Variants in TMEM170B observed in about 807,000 individuals in gnomAD.
TMEM170B encodes transmembrane protein 170B.
In TMEM170B, 6 loss-of-function variants were observed where a neutral mutation model predicts 13.0. That is an observed-to-expected ratio of 0.46 (90% confidence interval 0.25 to 0.91). The LOEUF (loss-of-function observed/expected upper bound fraction) is 0.91. TMEM170B is among the 40% of genes least tolerant of loss of function. The pLI, the probability that TMEM170B is intolerant of heterozygous loss-of-function variation, is 0.17. For synonymous variants in TMEM170B, 61 were observed against 64.9 expected (o/e 0.94, Z 0.29); for missense variants, 138 against 165.2 (o/e 0.84, Z 0.90).
intron 1 of TMEM170B, among the ~76,000 whole-genome samples, chr6:11,543,569 A>G (rs190234576): frequency 1.6e-3 from 250 of 152,332 alleles, no homozygotes; most frequent in Admixed American, 7.0e-3. Flanking sequence ...CTGATAGCTA[A>G]TAGTGAAAAA....
At chr6:11,574,833 C>T (rs903617573) in intron 2 of TMEM170B, among the ~76,000 whole-genome samples, 4 of 152,026 alleles carry the variant, frequency 2.6e-5, no homozygotes, top group Admixed American at 1.3e-4. Flanking sequence ...TCTTATTAGA[C>T]GTCAAGATAC....
chr6:11,542,860 G>C (rs183874717), intron 1 of TMEM170B, among the ~76,000 whole-genome samples: 1 of 152,246 alleles, frequency 6.6e-6, no homozygotes, highest in East Asian at 1.9e-4. Flanking sequence ...CTGTGTGTTA[G>C]GCACTTTACA....
intron 2 of TMEM170B, 71 bp downstream of exon 2, chr6:11,565,907 T>C (rs1759726199): frequency 5.7e-6 from 8 of 1,406,934 alleles, no homozygotes; most frequent in Admixed American, 1.7e-5. Context: ...TGTGTTCTTA[T>C]TATACATGTA....
intron 2 of TMEM170B, among the ~76,000 whole-genome samples, chr6:11,566,590 C>A (rs6916829): frequency 6.6e-6 from 1 of 152,128 alleles, no homozygotes; most frequent in Non-Finnish European, 1.5e-5. Context: ...GAAAAAGACA[C>A]CAAGGCAAGC....
chr6:11,561,802 T>G (rs1759669054), intron 1 of TMEM170B, among the ~76,000 whole-genome samples: 1 of 152,232 alleles, frequency 6.6e-6, no homozygotes, highest in Admixed American at 6.5e-5. Flanking sequence ...GGACTGGTCA[T>G]TGGAAGACCA....
At chr6:11,551,315 G>A (rs1448883051) in intron 1 of TMEM170B, among the ~76,000 whole-genome samples, 1 of 152,188 alleles carries the variant, frequency 6.6e-6, no homozygotes, top group Non-Finnish European at 1.5e-5. Flanking sequence ...CATGTCTGCT[G>A]TATTCTATTG....
chr6:11,541,939 C>T (rs1344570599), intron 1 of TMEM170B, among the ~76,000 whole-genome samples: 5 of 151,902 alleles, frequency 3.3e-5, no homozygotes, highest in South Asian at 4.1e-4. Context: ...CAAGATTTAT[C>T]GAGTAAATTA....
At position 11,575,636 on chromosome 6, in the gene TMEM170B, G is replaced by A; in HGVS notation, c.*75G>A. 3.2e-6 allele frequency: 5 copies of A among 1,561,824 alleles called. No homozygotes were observed. In the East Asian group the frequency reaches 1.1e-4, roughly 35 times the overall value. ...TCCCTGAAAACGGCATTGTTAACAA[G>A]TGGAAATGAAATTGTGCAAGAATGT... On this transcript the variant is annotated 3_prime_UTR_variant, in exon 3 of 3. Transcript: ENST00000379426. This position sits in a 1 kb window ranked among gnomAD's most constrained non-coding sequence, Gnocchi z 4.1.
At chr6:11,542,774 C>A (rs749910693) in intron 1 of TMEM170B, among the ~76,000 whole-genome samples, 19 of 152,118 alleles carry the variant, frequency 1.2e-4, no homozygotes, top group Non-Finnish European at 2.5e-4. Context: ...GCCTACAGTG[C>A]CATTTACAAC....
chr6:11,562,362 A>C (rs1468856264), intron 1 of TMEM170B, among the ~76,000 whole-genome samples: 1 of 151,008 alleles, frequency 6.6e-6, no homozygotes, highest in Non-Finnish European at 1.5e-5. Flanking sequence ...AAAAGCCTCT[A>C]AAAGGCAAGT....
At chr6:11,542,504 C>T (rs1018744864) in intron 1 of TMEM170B, among the ~76,000 whole-genome samples, 4 of 152,088 alleles carry the variant, frequency 2.6e-5, no homozygotes, top group African/African-American at 9.7e-5. Flanking sequence ...TGAGGCGGGA[C>T]TGAGGACCAT....
chr6:11,559,386 C>T (rs1759631362), intron 1 of TMEM170B, among the ~76,000 whole-genome samples: 1 of 151,922 alleles, frequency 6.6e-6, no homozygotes. Context: ...TTTGTAGAGA[C>T]AGGGCCTCAT....
At chr6:11,539,034 TTG>T (rs1319187770) in intron 1 of TMEM170B, among the ~76,000 whole-genome samples, 1 of 152,240 alleles carries the variant, frequency 6.6e-6, no homozygotes, top group Admixed American at 6.5e-5. Flanking sequence ...TTTGATAATT[TTG>T]TGTATTTCCC....
intron 2 of TMEM170B, among the ~76,000 whole-genome samples, chr6:11,569,427 C>A (rs1002928136): frequency 3.3e-5 from 5 of 152,102 alleles, no homozygotes; most frequent in African/African-American, 1.2e-4. Context: ...TACAGTTTTT[C>A]CTTTTGTATT....
At position 11,577,680 on chromosome 6, in the gene TMEM170B, G is replaced by A. The variant is rs915859611; in HGVS notation, c.*2119G>A. ...ACTTGGATACATTAAATGTACTAAT[G>A]TGTGGACCAAAGAGATTTAAACTAT... On this transcript the variant is annotated 3_prime_UTR_variant, in exon 3 of 3. Coordinates refer to ENST00000379426, the MANE Select transcript of TMEM170B (RefSeq NM_001100829.3). 1 of 152,056 alleles carries A rather than the reference G, an allele frequency of 6.6e-6. No individual in the cohort carries two copies. Among genetic ancestry groups the A allele is most frequent in the Admixed American group, 6.6e-5 (1 of 15,250 alleles). The allele number at this position is 152,056 out of a possible 1,614,324, so 9.4% of individuals were successfully genotyped here. A position where few individuals can be genotyped will look rare whatever the true frequency, so the allele number is the denominator to read the frequency against.
At chr6:11,568,589 G>A (rs1413686878) in intron 2 of TMEM170B, among the ~76,000 whole-genome samples, 3 of 152,152 alleles carry the variant, frequency 2.0e-5, no homozygotes, top group Non-Finnish European at 4.4e-5. Context: ...AGAAACTGCA[G>A]TGTTATATTT....
intron 1 of TMEM170B, among the ~76,000 whole-genome samples, chr6:11,550,781 G>A (rs1759514302): frequency 6.6e-6 from 1 of 152,144 alleles, no homozygotes; most frequent in African/African-American, 2.4e-5. Flanking sequence ...GAGTGTCTAA[G>A]CCATGACTTG....
At chr6:11,544,765 A>T (rs1582137512) in intron 1 of TMEM170B, among the ~76,000 whole-genome samples, 1 of 152,182 alleles carries the variant, frequency 6.6e-6, no homozygotes, top group East Asian at 1.9e-4. Context: ...CAGGATTCCT[A>T]AATTGTTTAA....
intron 1 of TMEM170B, among the ~76,000 whole-genome samples, chr6:11,541,323 G>A (rs1759357840): frequency 6.6e-6 from 1 of 152,182 alleles, no homozygotes; most frequent in Admixed American, 6.5e-5. Flanking sequence ...TCATCAGTTA[G>A]CTAGATCTTC....
Sources: gnomAD v4.1 joint callset for allele counts (sites outside exome capture counted in the v4.1 genomes callset) on GRCh38, gnomAD v4.1.1 for gene constraint, Gnocchi (gnomAD v3.1) non-coding constraint, MANE v1.5 for transcripts, NCBI Gene and HGNC (gene_info 2026-07-23, HGNC 2026-07-21) for gene names.